SMIM27: variants seen among roughly 807,000 people sequenced by gnomAD.
SMIM27 encodes the protein transition zone microprotein 1, also known as TOPORS antisense RNA 1 (non-protein coding).
Under a neutral mutation model 1.8 loss-of-function variants are expected in SMIM27, and 3 were observed. The ratio of observed to expected loss-of-function variants is 1.65; its 90% CI spans 0.75 to 4.28. The LOEUF (loss-of-function observed/expected upper bound fraction) is 4.28, where lower values mean the gene tolerates loss of function less well. SMIM27 is among the 30% of genes most tolerant of loss of function. SMIM27 has a pLI of 0.02. For synonymous variants in SMIM27, 19 were observed against 13.9 expected, an observed-to-expected ratio of 1.37 and a Z score of -0.82; for missense variants, 63 against 37.0, an observed-to-expected ratio of 1.70 and a Z score of -1.83.
chr9:32,555,880 T>C (rs1431253121), downstream of SMIM27, among the ~76,000 whole-genome samples: 1 of 152,200 alleles, frequency 6.6e-6, no homozygotes, highest in Non-Finnish European at 1.5e-5. Flanking sequence ...TCAAGTAATT[T>C]CTCACACACG....
chr9:32,551,764 C>CA (rs1460744188), upstream of SMIM27: 1 of 449,022 alleles, frequency 2.2e-6, no homozygotes, highest in East Asian at 7.0e-5. Flanking sequence ...GAACATCAGA[C>CA]ACGCTCAACA....
chr9:32,553,147 G>A (rs1262928813), downstream of SMIM27: 2 of 411,580 alleles, frequency 4.9e-6, no homozygotes, highest in African/African-American at 2.1e-5. Context: ...GATCATAGTT[G>A]GAATAAGCTT....
chr9:32,551,326 T>C, upstream of SMIM27: 1 of 415,332 alleles, frequency 2.4e-6, no homozygotes, highest in East Asian at 5.2e-5. Flanking sequence ...CTTTAGTGTC[T>C]AGATAGGGGA....
rs1265217100 is a variant in SMIM27 at position 32,552,357 on chromosome 9, T to C, written c.-78T>C. ...CGGCTAAAAGATGGCTGCTGGCGCC[T>C]GGCAGCCACCGCCTGGGAGGTTACT... On this transcript the variant is annotated 5_prime_UTR_variant, in exon 1 of 2. Transcript: ENST00000692500. 3.8e-6 allele frequency: 6 copies of C among 1,575,484 alleles called. No homozygotes were observed. The highest frequency in any genetic ancestry group is 2.3e-5 in the East Asian group (1 of 43,276).
At chr9:32,564,605 T>C (rs559017014) in intron 1 of SMIM27, among the ~76,000 whole-genome samples, 10 of 152,130 alleles carry the variant, frequency 6.6e-5, no homozygotes, top group African/African-American at 2.4e-4. Flanking sequence ...AGAAAATGAG[T>C]CCTCTGTAAT....
chr9:32,551,853 T>C (rs959581307), upstream of SMIM27: 56 of 435,270 alleles, frequency 1.3e-4, no homozygotes, highest in African/African-American at 1.0e-3. Context: ...CATTACGCTA[T>C]ACGTTTCTGA....
chr9:32,552,583 A>C, intron 1 of SMIM27, 104 bp downstream of exon 1: 2 of 1,019,692 alleles, frequency 2.0e-6, no homozygotes, highest in South Asian at 2.7e-5. Flanking sequence ...TCCATTCCTG[A>C]ATTAAGCATT....
downstream of SMIM27, among the ~76,000 whole-genome samples, chr9:32,554,187 A>G (rs571821671): frequency 6.6e-6 from 1 of 152,378 alleles, no homozygotes; most frequent in Admixed American, 6.5e-5. Flanking sequence ...AAAGGGCACG[A>G]AAATTGTGTT....
intron 1 of SMIM27, among the ~76,000 whole-genome samples, chr9:32,558,263 C>T (rs1438944098): frequency 2.0e-5 from 3 of 152,094 alleles, no homozygotes; most frequent in Non-Finnish European, 4.4e-5. Flanking sequence ...AGGCGCCCGC[C>T]ACCACGCCCA....
intron 1 of SMIM27, among the ~76,000 whole-genome samples, chr9:32,558,129 T>TTTTTTTTTTTTTA (rs1554673490): frequency 8.6e-5 from 13 of 151,342 alleles, no homozygotes; most frequent in Admixed American, 2.0e-4. Context: ...TTTTTTTTTT[T>TTTTTTTTTTTTTA]GAGACGGAGT....
At chr9:32,553,151 T>G (rs576906633), downstream of SMIM27, 6 of 407,906 alleles carry the variant, frequency 1.5e-5, no homozygotes, top group African/African-American at 4.1e-5. Context: ...ATAGTTGGAA[T>G]AAGCTTTTCA....
downstream of SMIM27, among the ~76,000 whole-genome samples, chr9:32,554,756 T>A (rs1821408605): frequency 3.3e-5 from 5 of 152,354 alleles, no homozygotes; most frequent in African/African-American, 1.2e-4. Context: ...TGCCTTGAAG[T>A]GGCACTAATG....
At chr9:32,562,450 C>T (rs1046878578) in intron 1 of SMIM27, among the ~76,000 whole-genome samples, 1 of 152,126 alleles carries the variant, frequency 6.6e-6, no homozygotes, top group Admixed American at 6.5e-5. Flanking sequence ...TCTGAAAACC[C>T]CCCAAAATTT....
At chr9:32,552,102 C>T (rs1821284179), upstream of SMIM27, 4 of 541,634 alleles carry the variant, frequency 7.4e-6, no homozygotes, top group African/African-American at 7.8e-5. Context: ...CACGACAGCA[C>T]CTTATCCTGC....
intron 1 of SMIM27, among the ~76,000 whole-genome samples, chr9:32,565,020 C>T (rs1821740772): frequency 1.3e-5 from 2 of 152,226 alleles, no homozygotes; most frequent in Middle Eastern, 6.8e-3. Flanking sequence ...AGGCCAGGTG[C>T]GGTGGCTCAC....
chr9:32,558,305 G>A (rs996326039), intron 1 of SMIM27, among the ~76,000 whole-genome samples: 1 of 152,010 alleles, frequency 6.6e-6, no homozygotes, highest in African/African-American at 2.4e-5. Context: ...TAGAGACGGG[G>A]TTTCACCGTG....
chr9:32,551,820 AC>A (rs1476042411), upstream of SMIM27: 1 of 450,226 alleles, frequency 2.2e-6, no homozygotes, highest in Non-Finnish European at 4.5e-6. Flanking sequence ...AACGCGTCCC[AC>A]GTATTTCTTC....
chr9:32,552,833 C>G lies in SMIM27; in HGVS notation c.78C>G (p.Gly26=), dbSNP rs1240957367. ...TTGCCATCGTTTTAATCTCCTGGGGCTGCATCATCTATGCTTCGATGGTGT... is the reference window on the plus strand; with the variant it reads ...TTGCCATCGTTTTAATCTCCTGGGGGTGCATCATCTATGCTTCGATGGTGT... ...LLLAIVLISW[G]CIIYASMVSA... Residue 26 remains glycine (G), a synonymous_variant, in exon 2 of 2, where the codon GGC becomes GGG. Coordinates refer to ENST00000692500, the MANE Select transcript of SMIM27 (RefSeq NM_001387564.1). 1.4e-6 allele frequency: 1 copy of G among 702,590 alleles called. No individual in the cohort carries two copies. The highest frequency in any genetic ancestry group is 1.7e-5 in the African/African-American group (1 of 57,230). 43.5% of individuals were successfully genotyped at this position (702,590 alleles called of 1,614,324 possible). A position where few individuals can be genotyped will look rare whatever the true frequency, so the allele number is the denominator to read the frequency against.
chr9:32,554,106 C>A (rs188186284), downstream of SMIM27, among the ~76,000 whole-genome samples: 357 of 152,222 alleles, frequency 2.3e-3, 1 homozygote, highest in Non-Finnish European at 3.2e-3. Context: ...TAAATCTGAA[C>A]AATCAGTATT....
Sources: gnomAD v4.1 joint callset for allele counts (sites outside exome capture counted in the v4.1 genomes callset) on GRCh38, gnomAD v4.1.1 for gene constraint, MANE v1.5 for transcripts, NCBI Gene and HGNC (gene_info 2026-07-23, HGNC 2026-07-21) for gene names.